MBNL1: variants seen among roughly 807,000 people sequenced by gnomAD.
The protein encoded by MBNL1 is muscleblind like splicing regulator 1, also known as muscleblind-like protein 1.
Under a neutral mutation model 42.2 loss-of-function variants are expected in MBNL1, and 8 were observed. The observed-to-expected ratio is 0.19, with a 90% CI of 0.11 to 0.34. MBNL1 has a LOEUF of 0.34. Among genes scored for constraint, MBNL1 ranks in the 10% least tolerant of loss-of-function variants. The probability of loss-of-function intolerance (pLI) is 1.00; values close to 1 mark genes in which losing one functional copy is unlikely to be tolerated. For synonymous variants in MBNL1, 169 were observed against 173.9 expected, an observed-to-expected ratio of 0.97 and a Z score of 0.22; for missense variants, 309 against 495.3, an observed-to-expected ratio of 0.62 and a Z score of 3.57.
At chr3:152,352,634 C>T (rs2095143424) in intron 2 of MBNL1, among the ~76,000 whole-genome samples, 1 of 152,046 alleles carries the variant, frequency 6.6e-6, no homozygotes, top group Non-Finnish European at 1.5e-5. Flanking sequence ...ACGACTCATC[C>T]TTTTAGACTC....
intron 2 of MBNL1, among the ~76,000 whole-genome samples, chr3:152,325,596 TG>T (rs2079280114): frequency 6.6e-6 from 1 of 152,294 alleles, no homozygotes; most frequent in African/African-American, 2.4e-5. Flanking sequence ...TATATATTTT[TG>T]TAGTAGGTAA....
chr3:152,296,235 G>C lies in MBNL1; in HGVS notation c.-789-3170G>C, dbSNP rs565197563. Among the ~76,000 whole-genome samples the C allele has an allele frequency of 2.6e-5, 4 of 152,320 alleles. No individual in the cohort carries two copies. In the East Asian group the frequency reaches 7.7e-4, roughly 29 times the overall value. ...CCTCCTGCCATGTCACCGTCTGCAT[G>C]TTGGAGTTTCTTCAGCACATTTGGA... On this transcript the variant is annotated intron_variant, in intron 1 of 9. Transcript: ENST00000324210.
chr3:152,273,411 G>GT (rs935134646), intron 1 of MBNL1, among the ~76,000 whole-genome samples: 5 of 152,028 alleles, frequency 3.3e-5, no homozygotes, highest in African/African-American at 1.2e-4. Context: ...CATATTACCA[G>GT]TTTTTTTCAT....
At chr3:152,261,826 CT>C (rs1022873282) in intron 2 of MBNL1, among the ~76,000 whole-genome samples, 8 of 152,144 alleles carry the variant, frequency 5.3e-5, no homozygotes, top group South Asian at 4.1e-4. Context: ...CCTTTCATGA[CT>C]TTTTTTCTGA....
chr3:152,277,520 A>G (rs1388722188), intron 1 of MBNL1, among the ~76,000 whole-genome samples: 1 of 152,178 alleles, frequency 6.6e-6, no homozygotes, highest in East Asian at 1.9e-4. Context: ...TTTTCCTGGA[A>G]CTAAAAATCC....
intron 2 of MBNL1, among the ~76,000 whole-genome samples, chr3:152,392,246 G>A (rs1171443247): frequency 6.6e-6 from 1 of 152,050 alleles, no homozygotes; most frequent in East Asian, 1.9e-4. Flanking sequence ...CCCCTGCTTA[G>A]GTAACATTAC....
intron 2 of MBNL1, among the ~76,000 whole-genome samples, chr3:152,301,485 G>C (rs2060710813): frequency 6.6e-6 from 1 of 152,118 alleles, no homozygotes; most frequent in Non-Finnish European, 1.5e-5. Flanking sequence ...ATCAGGGTGA[G>C]TTATGAGTTA....
At chr3:152,302,606 C>G (rs1313666823) in intron 2 of MBNL1, among the ~76,000 whole-genome samples, 1 of 152,040 alleles carries the variant, frequency 6.6e-6, no homozygotes, top group Admixed American at 6.6e-5. Flanking sequence ...TAAAATAGAT[C>G]AAAAACATAT....
chr3:152,319,043 C>T (rs776564572), intron 2 of MBNL1, among the ~76,000 whole-genome samples: 1 of 152,108 alleles, frequency 6.6e-6, no homozygotes, highest in Admixed American at 6.6e-5. Context: ...GTTCTACTTA[C>T]ATTTTTACTA....
chr3:152,431,761 A>C (rs1228989550), intron 3 of MBNL1, among the ~76,000 whole-genome samples: 2 of 152,228 alleles, frequency 1.3e-5, no homozygotes, highest in Non-Finnish European at 2.9e-5. Context: ...CTCTATTAGG[A>C]AGTTAAAAAT....
At chr3:152,280,487 A>G (rs1344390068) in intron 1 of MBNL1, among the ~76,000 whole-genome samples, 3 of 152,104 alleles carry the variant, frequency 2.0e-5, no homozygotes, top group Non-Finnish European at 2.9e-5. Context: ...AAATTAATTT[A>G]TTTCTGATGC....
intron 2 of MBNL1, among the ~76,000 whole-genome samples, chr3:152,331,939 G>A (rs1303702216): frequency 2.6e-5 from 4 of 152,024 alleles, no homozygotes; most frequent in African/African-American, 7.2e-5. Flanking sequence ...TGATCCACCC[G>A]CCTCAGCCTC....
At chr3:152,271,625 C>G (rs140484309) in intron 1 of MBNL1, among the ~76,000 whole-genome samples, 1 of 152,104 alleles carries the variant, frequency 6.6e-6, no homozygotes, top group Non-Finnish European at 1.5e-5. Flanking sequence ...ATTCTGTATG[C>G]AAAGGCATTA....
chr3:152,456,732 TAC>T (rs1445304303), intron 8 of MBNL1, among the ~76,000 whole-genome samples: 1 of 152,088 alleles, frequency 6.6e-6, no homozygotes, highest in Non-Finnish European at 1.5e-5. Context: ...ATTTGGTATA[TAC>T]AGTTTCTTAG....
At chr3:152,415,289 C>T (rs367921708) in intron 3 of MBNL1, among the ~76,000 whole-genome samples, 178 bp downstream of exon 3, 134 of 152,254 alleles carry the variant, frequency 8.8e-4, no homozygotes, top group African/African-American at 3.0e-3. Context: ...TTTGTGTAGG[C>T]ACTCATTTTC....
intron 3 of MBNL1, among the ~76,000 whole-genome samples, chr3:152,415,593 T>A (rs1411358593): frequency 2.0e-5 from 3 of 152,238 alleles, no homozygotes; most frequent in Non-Finnish European, 4.4e-5. Context: ...ATAATTTAAG[T>A]TGAAATTATT....
intron 1 of MBNL1, among the ~76,000 whole-genome samples, chr3:152,272,063 C>CTG (rs1184363352): frequency 1.3e-5 from 2 of 151,846 alleles, no homozygotes; most frequent in East Asian, 3.9e-4. Context: ...CTCTCTCTCT[C>CTG]TCTCTCTTTC....
intron 1 of MBNL1, among the ~76,000 whole-genome samples, chr3:152,284,383 A>G (rs2050315962): frequency 6.6e-6 from 1 of 152,070 alleles, no homozygotes; most frequent in Non-Finnish European, 1.5e-5. Flanking sequence ...AGTCAGCTTA[A>G]TATTTGTGAT....
In MBNL1 at chr3:152,445,484, A is replaced by G; in HGVS notation, c.752A>G (p.Gln251Arg). 6.2e-7 allele frequency: 1 copy of G among 1,614,096 alleles called. No individual in the cohort carries two copies. ...TTGCAAGCCAAGATCAAGGCTGCCC[A>G]ATACCAGGTCAACCAGGCTGCAGCT... The part of the protein sequence containing the change: ...AHLQAKIKAA[Q>R]YQVNQAAAAQ... The change falls in exon 5 of 10, where the codon CAA becomes CGA. Residue 251 changes from glutamine (Q) to arginine (R), a missense_variant. Coordinates refer to ENST00000324210, the MANE Select transcript of MBNL1 (RefSeq NM_021038.5).
Sources: gnomAD v4.1 joint callset for allele counts (sites outside exome capture counted in the v4.1 genomes callset) on GRCh38, gnomAD v4.1.1 for gene constraint, MANE v1.5 for transcripts, NCBI Gene and HGNC (gene_info 2026-07-23, HGNC 2026-07-21) for gene names.